HECW2: variants seen among roughly 807,000 people sequenced by gnomAD.
The protein encoded by HECW2 is HECT, C2 and WW domain containing E3 ubiquitin protein ligase 2.
Under a neutral mutation model 175.2 loss-of-function variants are expected in HECW2, and 61 were observed. The observed-to-expected ratio is 0.35, with a 90% confidence interval of 0.28 to 0.43. The LOEUF (loss-of-function observed/expected upper bound fraction) is 0.43. Among genes scored for constraint, HECW2 ranks in the 20% least tolerant of loss-of-function variants. HECW2 has a pLI of 1.00. For missense variants in HECW2, 1,524 were observed against 2,000.5 expected (o/e 0.76, Z 4.54); for synonymous variants, 671 against 731.0 (o/e 0.92, Z 1.32).
intron 1 of HECW2, among the ~76,000 whole-genome samples, chr2:196,499,572 T>C (rs1468572827): frequency 6.6e-6 from 1 of 152,186 alleles, no homozygotes; most frequent in Admixed American, 6.5e-5. Flanking sequence ...ACTTTTTTCT[T>C]AGCATCTACA....
chr2:196,539,477 A>T (rs1358352541), intron 1 of HECW2, among the ~76,000 whole-genome samples: 1 of 152,058 alleles, frequency 6.6e-6, no homozygotes, highest in East Asian at 1.9e-4. Flanking sequence ...CTAAAAAAAT[A>T]CAAAAAAATT....
At chr2:196,341,550 G>A (rs73051629) in intron 3 of HECW2, among the ~76,000 whole-genome samples, 1,836 of 152,314 alleles carry the variant, frequency 0.012, 33 homozygotes, top group African/African-American at 0.042. Context: ...AATTCCACCT[G>A]CCAGAAACCA....
chr2:196,330,147 T>C (rs1027191066), intron 4 of HECW2, among the ~76,000 whole-genome samples: 1 of 152,214 alleles, frequency 6.6e-6, no homozygotes, highest in Non-Finnish European at 1.5e-5. Context: ...TTGTGTTCTA[T>C]TGTGCTGCAG....
intron 1 of HECW2, among the ~76,000 whole-genome samples, chr2:196,522,763 AG>A (rs1439192949): frequency 2.0e-5 from 3 of 149,930 alleles, no homozygotes; most frequent in African/African-American, 7.3e-5. Context: ...TGTTTTTCTC[AG>A]GTTTGTCAAA....
At chr2:196,560,177 C>T (rs56988018) in intron 1 of HECW2, among the ~76,000 whole-genome samples, 12,181 of 152,176 alleles carry the variant, frequency 0.08, 621 homozygotes, top group South Asian at 0.15. Flanking sequence ...AAAGGTCTCA[C>T]TCTTGTTGCC....
intron 2 of HECW2, among the ~76,000 whole-genome samples, chr2:196,414,729 T>C (rs1243034285): frequency 2.0e-5 from 3 of 152,176 alleles, no homozygotes. Flanking sequence ...GGAGTAACAG[T>C]GCCCCAACAC....
intron 12 of HECW2, 69 bp downstream of exon 12, chr2:196,307,061 G>A (rs996015774): frequency 2.8e-6 from 3 of 1,089,780 alleles, no homozygotes; most frequent in African/African-American, 3.1e-5. Context: ...AGCCTTACTT[G>A]TTGGGAATCC....
rs370240613 is a variant in HECW2 at position 196,465,772 on chromosome 2, AAGGAC to A, written c.-35-32319_-35-32315del. 4.6e-4 allele frequency among the ~76,000 whole-genome samples: 70 copies of A among 151,564 alleles called. No homozygotes were observed. The East Asian group carries it at 9.7e-3, about 21-fold the overall frequency. ...AAACTGATCTGGACCACTGATCCAA[AAGGAC>A]AGAAAATGAAAATGAAGCCCCACCA... On this transcript the variant is annotated intron_variant, in intron 1 of 28. Coordinates refer to ENST00000644978, the MANE Select transcript of HECW2 (RefSeq NM_001348768.2).
chr2:196,494,680 T>A (rs1687329499), intron 1 of HECW2, among the ~76,000 whole-genome samples: 1 of 152,198 alleles, frequency 6.6e-6, no homozygotes, highest in Non-Finnish European at 1.5e-5. Flanking sequence ...ACTGAATATA[T>A]GAAATCCAAG....
chr2:196,443,408 C>T (rs546015466), intron 1 of HECW2, among the ~76,000 whole-genome samples: 1 of 152,244 alleles, frequency 6.6e-6, no homozygotes, highest in South Asian at 2.1e-4. Context: ...ACTCATTTAT[C>T]TAAATACAGG....
At chr2:196,399,363 C>T (rs1201163274) in intron 2 of HECW2, among the ~76,000 whole-genome samples, 2 of 152,268 alleles carry the variant, frequency 1.3e-5, no homozygotes, top group East Asian at 3.9e-4. Context: ...AAGTCATTTC[C>T]CCCTGGCAGC....
At chr2:196,308,884 G>A (rs1691372183) in intron 10 of HECW2, among the ~76,000 whole-genome samples, 1 of 152,182 alleles carries the variant, frequency 6.6e-6, no homozygotes, top group East Asian at 1.9e-4. Flanking sequence ...GCAAAATTTT[G>A]AAACTTATTA....
chr2:196,328,059 T>TA (rs11417850), intron 5 of HECW2, among the ~76,000 whole-genome samples: 110,888 of 151,772 alleles, frequency 0.73, 42,273 homozygotes, highest in East Asian at 0.97. Context: ...CTGTACACCA[T>TA]AAAAAAATTT....
chr2:196,379,317 C>G (rs752580673), intron 2 of HECW2, among the ~76,000 whole-genome samples: 1 of 152,164 alleles, frequency 6.6e-6, no homozygotes, highest in Non-Finnish European at 1.5e-5. Flanking sequence ...GCTGAGAATA[C>G]TCTATGTCCT....
intron 1 of HECW2, among the ~76,000 whole-genome samples, chr2:196,582,265 C>G (rs1690814733): frequency 6.6e-6 from 1 of 152,124 alleles, no homozygotes; most frequent in Non-Finnish European, 1.5e-5. Context: ...CCACCAAATT[C>G]AATAACCAGA....
At chr2:196,386,579 C>A (rs11896907) in intron 2 of HECW2, among the ~76,000 whole-genome samples, 1 of 152,072 alleles carries the variant, frequency 6.6e-6, no homozygotes, top group Non-Finnish European at 1.5e-5. Flanking sequence ...AAGCTGGGCA[C>A]TGCAAATTAG....
chr2:196,277,459 T>G (rs529230475), intron 15 of HECW2, among the ~76,000 whole-genome samples: 2 of 152,278 alleles, frequency 1.3e-5, no homozygotes, highest in African/African-American at 4.8e-5. Flanking sequence ...TGGCAATCAT[T>G]AAAAAGTCAG....
At chr2:196,533,926 A>G (rs760477413) in intron 1 of HECW2, among the ~76,000 whole-genome samples, 28 of 152,226 alleles carry the variant, frequency 1.8e-4, no homozygotes, top group Non-Finnish European at 2.8e-4. Context: ...CCTCATTGCT[A>G]TGAACCACCT....
chr2:196,339,098 T>C (rs1215287170), intron 3 of HECW2, among the ~76,000 whole-genome samples: 3 of 152,266 alleles, frequency 2.0e-5, no homozygotes, highest in Middle Eastern at 6.8e-3. Flanking sequence ...GGGCCTAAAA[T>C]ATAAAGTGTG....
Sources: gnomAD v4.1 joint callset for allele counts (sites outside exome capture counted in the v4.1 genomes callset) on GRCh38, gnomAD v4.1.1 for gene constraint, MANE v1.5 for transcripts, NCBI Gene and HGNC (gene_info 2026-07-23, HGNC 2026-07-21) for gene names.